INPP1: variants seen among roughly 807,000 people sequenced by gnomAD.
The protein encoded by INPP1 is inositol polyphosphate 1-phosphatase.
Under a neutral mutation model 23.0 loss-of-function variants are expected in INPP1, and 18 were observed. That is an observed-to-expected ratio of 0.78 (90% CI 0.54 to 1.16). The LOEUF (loss-of-function observed/expected upper bound fraction) is 1.16, where lower values mean the gene tolerates loss of function less well. Ranked by LOEUF, INPP1 falls within the 50% of genes most tolerant of loss-of-function variation. The probability of loss-of-function intolerance (pLI) is 0.00; values close to 1 mark genes in which losing one functional copy is unlikely to be tolerated. For missense variants in INPP1, 448 were observed against 482.1 expected, an observed-to-expected ratio of 0.93 and a Z score of 0.66; for synonymous variants, 164 against 176.3, an observed-to-expected ratio of 0.93 and a Z score of 0.55.
chr2:190,361,350 T>G (rs2124932165), intron 3 of INPP1, among the ~76,000 whole-genome samples: 1 of 152,314 alleles, frequency 6.6e-6, no homozygotes, highest in Non-Finnish European at 1.5e-5. Flanking sequence ...TTCTATGAAA[T>G]TTTCAAAATA....
chr2:190,365,325 A>G (rs532941093), intron 4 of INPP1, among the ~76,000 whole-genome samples: 1 of 152,378 alleles, frequency 6.6e-6, no homozygotes, highest in Non-Finnish European at 1.5e-5. Flanking sequence ...ACATTTAAAG[A>G]TTGGTATATA....
rs1159845503 is a variant in INPP1, at chr2:190,355,048, TTGA to T, written c.-64-4987_-64-4985del. ...TTTCCCTTATTTTAATAGTTAACAA[TTGA>T]TGAAAAGATTTCACTGGCTAGAGTA... On this transcript the variant is annotated intron_variant, in intron 2 of 6. Coordinates refer to ENST00000392329, the MANE Select transcript of INPP1 (RefSeq NM_001128928.2). This position sits in a 1 kb window ranked among gnomAD's most constrained non-coding sequence, Gnocchi z 5.1. Among the ~76,000 whole-genome samples, 5 of 152,058 alleles carry T rather than the reference TTGA, an allele frequency of 3.3e-5. No individual in the cohort carries two copies. The highest frequency in any genetic ancestry group is 7.2e-5 in the African/African-American group (3 of 41,486).
At chr2:190,344,621 AT>A (rs1261117812) in intron 1 of INPP1, among the ~76,000 whole-genome samples, 1 of 152,236 alleles carries the variant, frequency 6.6e-6, no homozygotes, top group Non-Finnish European at 1.5e-5. Context: ...CTGGAAAAAA[AT>A]ATTTAACCTG....
intron 6 of INPP1, 152 bp from the exon 7 acceptor site, chr2:190,370,692 G>C (rs1689782018): frequency 1.5e-6 from 1 of 655,250 alleles, no homozygotes; most frequent in Admixed American, 2.7e-5. Context: ...AAATAAACTA[G>C]CTACCTGATA....
rs772081126 is a variant in INPP1 at position 190,370,975 on chromosome 2, C to T, written c.773C>T (p.Pro258Leu). ...ACCGGCTCTGAGGCAGCATTCTCCC[C>T]CAGTTTTTCAGCCGTAATTAGTACA... ...GNTGSEAAFS[P>L]SFSAVISTSE... Residue 258 changes from proline to leucine, a missense_variant, in exon 7 of 7, where the codon CCC becomes CTC. By Grantham distance (98) the Pro-to-Leu change is moderately conservative. Coordinates refer to ENST00000392329, the MANE Select transcript of INPP1 (RefSeq NM_001128928.2). The T allele has an allele frequency of 5.1e-5, 83 of 1,614,066 alleles. No individual in the cohort carries two copies. The Admixed American group carries it at 1.3e-3, about 26-fold the overall frequency.
intron 1 of INPP1, among the ~76,000 whole-genome samples, chr2:190,348,555 T>A (rs1265924513): frequency 6.6e-6 from 1 of 152,196 alleles, no homozygotes. Flanking sequence ...CTACCCTCTC[T>A]TCCCAGCCCT....
chr2:190,369,170 A>G lies in INPP1; in HGVS notation c.534A>G (p.Gly178=). The G allele has an allele frequency of 6.2e-7, 1 of 1,609,258 alleles. No homozygotes were observed. The highest frequency in any genetic ancestry group is 2.2e-5 in the East Asian group (1 of 44,750). ...IKSNQGIFPC[G]LQCVTILIGV... is the part of the protein sequence containing the mutation. ...CCAACCAGGGAATCTTCCCCTGTGG[A>G]CTTCAGTGTGTCACCATTTTAATTG... The change falls in exon 6 of 7, where the codon GGA becomes GGG. Residue 178 remains glycine (G), a synonymous_variant. Coordinates refer to ENST00000392329, the MANE Select transcript of INPP1 (RefSeq NM_001128928.2).
At chr2:190,362,310 G>A (rs565970593) in intron 3 of INPP1, among the ~76,000 whole-genome samples, 8 of 152,230 alleles carry the variant, frequency 5.3e-5, no homozygotes, top group African/African-American at 1.9e-4. Context: ...GCAAATATTC[G>A]AATTCTATGG....
chr2:190,346,119 G>A lies in INPP1; in HGVS notation c.-209+2158G>A, dbSNP rs537623561. Among the ~76,000 whole-genome samples the A allele has an allele frequency of 5.2e-4, 79 of 152,292 alleles. No individual in the cohort carries two copies. The highest frequency in any genetic ancestry group is 3.4e-3 in the Middle Eastern group (1 of 294). On this transcript the variant is annotated intron_variant, in intron 1 of 6. Transcript: ENST00000392329. The surrounding 1 kb of genome is among the most constrained non-coding windows in gnomAD (Gnocchi z 5.1). ...AATTCCTCAGGGTAGTAGGCAAGTC[G>A]GGGAGTGGGTAGAGTATAATAGTGG... is the stretch of plus-strand genomic sequence containing the variant.
chr2:190,359,145 CA>C (rs1205916303), intron 2 of INPP1, among the ~76,000 whole-genome samples: 1 of 152,002 alleles, frequency 6.6e-6, no homozygotes, highest in Non-Finnish European at 1.5e-5. Flanking sequence ...ACAAAAAATA[CA>C]AAAATTAGCC....
intron 2 of INPP1, among the ~76,000 whole-genome samples, chr2:190,351,269 G>C (rs1386394465): frequency 6.6e-6 from 1 of 152,240 alleles, no homozygotes; most frequent in African/African-American, 2.4e-5. Flanking sequence ...AGTCAGAAAT[G>C]TCTCCTGAAG....
intron 3 of INPP1, among the ~76,000 whole-genome samples, chr2:190,362,010 G>C (rs993567905): frequency 1.3e-5 from 2 of 152,172 alleles, no homozygotes; most frequent in African/African-American, 2.4e-5. Context: ...ATCATACAGA[G>C]ATGACAGAAG....
chr2:190,355,094 C>T lies in INPP1; in HGVS notation c.-64-4945C>T, dbSNP rs1394952944. ...CTAGAGTACTGGTCAACAGTGGGGGCTTCTGCCAGCTTGCCTAGGTTTGAA... is the reference window on the plus strand; with the variant it reads ...CTAGAGTACTGGTCAACAGTGGGGGTTTCTGCCAGCTTGCCTAGGTTTGAA... On this transcript the variant is annotated intron_variant, in intron 2 of 6. Transcript: ENST00000392329. The surrounding 1 kb of genome is among the most constrained non-coding windows in gnomAD (Gnocchi z 5.1). Among the ~76,000 whole-genome samples, 1 of 152,064 alleles carries T rather than the reference C, an allele frequency of 6.6e-6. No individual in the cohort carries two copies. The highest frequency in any genetic ancestry group is 1.5e-5 in the Non-Finnish European group (1 of 68,006).
intron 1 of INPP1, among the ~76,000 whole-genome samples, chr2:190,347,717 A>T (rs1271428664): frequency 1.3e-5 from 2 of 152,242 alleles, no homozygotes; most frequent in Non-Finnish European, 2.9e-5. Context: ...CTCAATGCAA[A>T]TGAGAGTAAT....
intron 2 of INPP1, among the ~76,000 whole-genome samples, chr2:190,358,985 G>T (rs1689479889): frequency 6.6e-6 from 1 of 152,082 alleles, no homozygotes. Flanking sequence ...TGACCTCAGG[G>T]CCTTGCAGGA....
intron 1 of INPP1, chr2:190,344,302 T>A (rs2067390): frequency 0.067 from 10,204 of 153,360 alleles, 547 homozygotes; most frequent in African/African-American, 0.13. Flanking sequence ...ACAACGATTT[T>A]AAAAATCCAG....
Position 190,360,201 on chromosome 2 carries a change from C to G in INPP1, c.99C>G (p.Ile33Met), listed in dbSNP as rs2067404. The G allele has an allele frequency of 1.2e-6, 2 of 1,613,938 alleles. No individual in the cohort carries two copies. The highest frequency in any genetic ancestry group is 8.5e-7 in the Non-Finnish European group (1 of 1,180,028). Residue 33 changes from isoleucine to methionine, a missense_variant, in exon 3 of 7, where the codon ATC becomes ATG. Transcript: ENST00000392329. ...AGGAAGCCCTCTTCCAGCTGCTGAT[C>G]GAAGAAAAGAAAGAGGGAGAAAAGA... is the stretch of plus-strand genomic sequence containing the variant. ...RQQEALFQLL[I>M]EEKKEGEKNK...
chr2:190,370,228 G>A (rs1435850071), intron 6 of INPP1, among the ~76,000 whole-genome samples: 2 of 150,992 alleles, frequency 1.3e-5, no homozygotes, highest in South Asian at 4.1e-4. Flanking sequence ...TTCTAGCTGA[G>A]TGGGCCTCAG....
chr2:190,349,598 T>C (rs1575783218), intron 2 of INPP1, among the ~76,000 whole-genome samples: 1 of 152,230 alleles, frequency 6.6e-6, no homozygotes, highest in Non-Finnish European at 1.5e-5. Flanking sequence ...AAATTTATTC[T>C]TTCTGATAGT....
Sources: allele counts gnomAD v4.1 joint callset (sites outside exome capture counted in the v4.1 genomes callset), GRCh38; gene constraint gnomAD v4.1.1; non-coding constraint Gnocchi (gnomAD v3.1); transcripts MANE v1.5; gene names NCBI Gene and HGNC (gene_info 2026-07-23, HGNC 2026-07-21).